ZNF407: variants seen among roughly 807,000 people sequenced by gnomAD.
ZNF407 encodes the protein zinc finger protein 407.
Under a neutral mutation model 131.2 loss-of-function variants are expected in ZNF407, and 17 were observed. The ratio of observed to expected loss-of-function variants is 0.13; its 90% confidence interval spans 0.09 to 0.19. The LOEUF (loss-of-function observed/expected upper bound fraction) is 0.19. Among genes scored for constraint, ZNF407 ranks in the 10% least tolerant of loss-of-function variants. The pLI, the probability that ZNF407 is intolerant of heterozygous loss-of-function variation, is 1.00. For missense variants in ZNF407, 2,681 were observed against 2,830.6 expected, an observed-to-expected ratio of 0.95 and a Z score of 1.20; for synonymous variants, 1,156 against 1,062.0, an observed-to-expected ratio of 1.09 and a Z score of -1.72.
At chr18:74,792,081 C>T (rs1969836504) in intron 4 of ZNF407, among the ~76,000 whole-genome samples, 1 of 152,124 alleles carries the variant, frequency 6.6e-6, no homozygotes, top group African/African-American at 2.4e-5. Context: ...AACATTTCCC[C>T]TCCTTGGTTG....
At chr18:74,676,591 C>T (rs1167938887) in intron 3 of ZNF407, among the ~76,000 whole-genome samples, 8 of 147,906 alleles carry the variant, frequency 5.4e-5, no homozygotes, top group South Asian at 2.2e-4. Context: ...CGCCCACCAC[C>T]GTGCCCGGGT....
chr18:74,890,910 G>A (rs143044953), intron 7 of ZNF407, among the ~76,000 whole-genome samples: 35 of 152,298 alleles, frequency 2.3e-4, no homozygotes, highest in Non-Finnish European at 3.2e-4. Flanking sequence ...GGATGACACC[G>A]TGTAGAATGT....
rs368869230 is a variant in ZNF407 at position 74,633,736 on chromosome 18, G to A, written c.2717G>A (p.Arg906Gln). 296 of 1,613,964 alleles carry A rather than the reference G, an allele frequency of 1.8e-4. No individual in the cohort carries two copies. The highest frequency in any genetic ancestry group is 3.3e-4 in the Middle Eastern group (2 of 6,062). ...TGTGCCACCAAGAAACATAAAGGAC[G>A]GGTAGAAATAGAAGCAAGTGGAAAA... ...RHCATKKHKG[R>Q]VEIEASGKHS... Residue 906 changes from arginine to glutamine, a missense_variant, in exon 2 of 9, where the codon CGG becomes CAG. Arg to Gln is a conservative substitution (Grantham distance 43). Transcript: ENST00000299687.
chr18:74,749,891 T>C (rs1421653063), intron 3 of ZNF407, among the ~76,000 whole-genome samples: 1 of 152,182 alleles, frequency 6.6e-6, no homozygotes, highest in Admixed American at 6.6e-5. Flanking sequence ...ATGTATCTTA[T>C]TGGAAACTAT....
At chr18:74,727,915 G>A (rs1021630687) in intron 3 of ZNF407, among the ~76,000 whole-genome samples, 2 of 152,064 alleles carry the variant, frequency 1.3e-5, no homozygotes. Flanking sequence ...GGCTGGATTC[G>A]GACAAGAAGA....
At chr18:74,952,080 AC>A (rs1972220973) in intron 8 of ZNF407, among the ~76,000 whole-genome samples, 1 of 152,050 alleles carries the variant, frequency 6.6e-6, no homozygotes, top group South Asian at 2.1e-4. Flanking sequence ...CAAAAGTAAG[AC>A]CCCTGCCCCT....
intron 3 of ZNF407, among the ~76,000 whole-genome samples, chr18:74,644,177 C>CTTTTTTT (rs34393480): frequency 8.4e-6 from 1 of 118,870 alleles, no homozygotes; most frequent in Non-Finnish European, 1.8e-5. Context: ...TTGGGGGAAT[C>CTTTTTTT]TTTTTTTTTT....
intron 8 of ZNF407, among the ~76,000 whole-genome samples, chr18:75,015,677 A>C (rs1311948883): frequency 6.6e-6 from 1 of 151,492 alleles, no homozygotes; most frequent in Non-Finnish European, 1.5e-5. Context: ...CAGGTAATGG[A>C]AAGGCTTTTT....
At chr18:74,661,391 T>C (rs1985707416) in intron 3 of ZNF407, among the ~76,000 whole-genome samples, 1 of 148,106 alleles carries the variant, frequency 6.8e-6, no homozygotes, top group South Asian at 2.1e-4. Context: ...TATATATATA[T>C]ATATAATATA....
intron 4 of ZNF407, among the ~76,000 whole-genome samples, chr18:74,782,259 CT>C (rs1055007143): frequency 5.9e-5 from 9 of 152,114 alleles, no homozygotes; most frequent in Non-Finnish European, 1.2e-4. Flanking sequence ...CTCTCAGAAA[CT>C]TTAGTTTTTT....
chr18:74,725,953 G>A (rs1199403613), intron 3 of ZNF407, among the ~76,000 whole-genome samples: 1 of 152,140 alleles, frequency 6.6e-6, no homozygotes, highest in East Asian at 1.9e-4. Context: ...TTATGACTGT[G>A]TAATGTTTTT....
chr18:74,920,444 TATC>T lies in ZNF407; in HGVS notation c.5250-67_5250-65del, dbSNP rs759397383. The T allele has an allele frequency of 2.0e-4, 254 of 1,299,412 alleles. 1 individual carries two copies. Among genetic ancestry groups the T allele is most frequent in the Non-Finnish European group, 2.6e-4 (243 of 947,374 alleles). The allele number at this position is 1,299,412 out of a possible 1,614,324, so 80.5% of individuals were successfully genotyped here. ...AACACATACAGACAGTGTTATGTAA[TATC>T]ATTATTTGTAAGATAAGGTTATTGG... is the stretch of plus-strand genomic sequence containing the variant. On this transcript the variant is annotated intron_variant, in intron 7 of 8. Transcript: ENST00000299687.
rs550744087 is a variant in ZNF407 at position 74,763,960 on chromosome 18, G to A, written c.4803-17468G>A. On this transcript the variant is annotated intron_variant, in intron 3 of 8. Coordinates refer to ENST00000299687, the MANE Select transcript of ZNF407 (RefSeq NM_017757.3). ...GATCTCCTGACCTCGTGATCCGCCC[G>A]CCTCGGCCTCCCAAAGTGCTGGGAT... is the stretch of plus-strand genomic sequence containing the variant. Among the ~76,000 whole-genome samples, 5 of 151,614 alleles carry A rather than the reference G, an allele frequency of 3.3e-5. No homozygotes were observed. In the East Asian group the frequency reaches 7.8e-4, roughly 24 times the overall value.
At chr18:74,698,474 A>G (rs1422787428) in intron 3 of ZNF407, among the ~76,000 whole-genome samples, 1 of 152,046 alleles carries the variant, frequency 6.6e-6, no homozygotes, top group South Asian at 2.1e-4. Flanking sequence ...TTATGTGTGT[A>G]TGTTTGATGT....
intron 5 of ZNF407, 149 bp downstream of exon 5, chr18:74,877,512 T>G: frequency 1.2e-6 from 1 of 802,712 alleles, no homozygotes; most frequent in Non-Finnish European, 1.9e-6. Context: ...TATTTATAGG[T>G]ATGGTATCAT....
At chr18:75,027,904 C>A (rs1265230483) in intron 8 of ZNF407, among the ~76,000 whole-genome samples, 1 of 152,184 alleles carries the variant, frequency 6.6e-6, no homozygotes, top group African/African-American at 2.4e-5. Flanking sequence ...TGAGCCTGTA[C>A]TTTCCACACC....
intron 3 of ZNF407, among the ~76,000 whole-genome samples, chr18:74,650,570 A>AG (rs1985180746): frequency 6.6e-6 from 1 of 152,138 alleles, no homozygotes; most frequent in South Asian, 2.1e-4. Flanking sequence ...TTTGGTTGAC[A>AG]GGGGTCTGCA....
At chr18:74,785,862 A>C (rs1969697703) in intron 4 of ZNF407, among the ~76,000 whole-genome samples, 1 of 151,298 alleles carries the variant, frequency 6.6e-6, no homozygotes, top group African/African-American at 2.4e-5. Context: ...CCCACATGGC[A>C]CACACGTCAC....
rs931971946 is a variant in ZNF407 at position 74,821,958 on chromosome 18, C to A, written c.4877+40456C>A. Among the ~76,000 whole-genome samples the A allele has an allele frequency of 2.6e-5, 4 of 152,138 alleles. 1 individual carries two copies. The highest frequency in any genetic ancestry group is 5.9e-5 in the Non-Finnish European group (4 of 68,022). ...TTGTTTCCTGACTTTTTAATGATTG[C>A]CCATGATAACTGGTGTGAGATGGTA... On this transcript the variant is annotated intron_variant, in intron 4 of 8. Coordinates refer to ENST00000299687, the MANE Select transcript of ZNF407 (RefSeq NM_017757.3).
Sources: allele counts gnomAD v4.1 joint callset (sites outside exome capture counted in the v4.1 genomes callset), GRCh38; gene constraint gnomAD v4.1.1; transcripts MANE v1.5; gene names NCBI Gene and HGNC (gene_info 2026-07-23, HGNC 2026-07-21).